ARL8B: variants seen among roughly 807,000 people sequenced by gnomAD.
The protein encoded by ARL8B is ARF like GTPase 8B, also known as ADP-ribosylation factor-like protein 8B.
A neutral mutation model predicts 30.6 loss-of-function variants in ARL8B; 9 were observed. The observed-to-expected ratio is 0.29, with a 90% CI of 0.18 to 0.51. The LOEUF is 0.51. ARL8B is among the 20% of genes least tolerant of loss of function. The pLI is 0.97. For missense variants in ARL8B, 130 were observed against 227.2 expected, an observed-to-expected ratio of 0.57 and a Z score of 2.75; for synonymous variants, 74 against 76.0, an observed-to-expected ratio of 0.97 and a Z score of 0.14.
intron 1 of ARL8B, among the ~76,000 whole-genome samples, chr3:5,144,089 A>G (rs1575563905): frequency 6.6e-6 from 1 of 152,124 alleles, no homozygotes; most frequent in South Asian, 2.1e-4. Flanking sequence ...TAATTTGTAA[A>G]CCTTCCATAA....
intron 6 of ARL8B, among the ~76,000 whole-genome samples, chr3:5,175,354 T>C (rs1018373631): frequency 6.6e-5 from 10 of 152,214 alleles, no homozygotes; most frequent in African/African-American, 2.4e-4. Flanking sequence ...GTCGTGAGGT[T>C]AAGATTATGT....
intron 6 of ARL8B, 113 bp downstream of exon 6, chr3:5,174,527 T>C: frequency 1.4e-6 from 1 of 724,594 alleles, no homozygotes; most frequent in African/African-American, 1.8e-5. Flanking sequence ...TTCAGAATAC[T>C]GTTGCTTTTG....
intron 1 of ARL8B, among the ~76,000 whole-genome samples, chr3:5,164,250 CTAAT>C (rs1216604918): frequency 6.6e-6 from 1 of 152,134 alleles, no homozygotes; most frequent in Non-Finnish European, 1.5e-5. Context: ...TTTTCCTGAA[CTAAT>C]TGTCAGAATT....
At chr3:5,153,390 T>G (rs2054502887) in intron 1 of ARL8B, among the ~76,000 whole-genome samples, 1 of 152,116 alleles carries the variant, frequency 6.6e-6, no homozygotes, top group Admixed American at 6.6e-5. Context: ...CAAGGGAGTT[T>G]CTCTACACAA....
chr3:5,152,339 C>T (rs1031696198), intron 1 of ARL8B, among the ~76,000 whole-genome samples: 6 of 152,052 alleles, frequency 3.9e-5, no homozygotes, highest in African/African-American at 1.4e-4. Flanking sequence ...CCCTCTTTAT[C>T]CTTGGTATAT....
intron 1 of ARL8B, among the ~76,000 whole-genome samples, chr3:5,127,727 G>A (rs2054243029): frequency 6.6e-6 from 1 of 151,970 alleles, no homozygotes; most frequent in Admixed American, 6.6e-5. Flanking sequence ...CAAATAATTA[G>A]CTGGGTGTGG....
chr3:5,174,071 C>G lies in ARL8B; in HGVS notation c.427C>G (p.Leu143Val). 1 of 1,609,726 alleles carries G rather than the reference C, an allele frequency of 6.2e-7. No individual in the cohort carries two copies. Among genetic ancestry groups the G allele is most frequent in the South Asian group, 1.1e-5 (1 of 90,652 alleles). ...TCCTAATGCCTTGGATGAGAAACAG[C>G]TAATTGAAAAAATGTATGTCTTGAA... ...DLPNALDEKQ[L>V]IEKMNLSAIQ... The change falls in exon 5 of 7, where the codon CTA becomes GTA. Residue 143 changes from leucine to valine, a missense_variant. By Grantham distance (32) the Leu-to-Val change is conservative. Coordinates refer to ENST00000256496, the MANE Select transcript of ARL8B (RefSeq NM_018184.3).
In ARL8B at chr3:5,180,110, A is replaced by G. The variant is rs1348687855; in HGVS notation, c.*1397A>G. The stretch of plus-strand genomic sequence containing the variant: ...TTGTTTCTTTTGTTAAGCAGCACTT[A>G]TGTAGACTGCATTTCCAAATGTGTT... On this transcript the variant is annotated 3_prime_UTR_variant, in exon 7 of 7. Coordinates refer to ENST00000256496, the MANE Select transcript of ARL8B (RefSeq NM_018184.3). The G allele has an allele frequency of 6.5e-6, 1 of 152,686 alleles. No homozygotes were observed. The highest frequency in any genetic ancestry group is 1.5e-5 in the Non-Finnish European group (1 of 68,038). The allele number at this position is 152,686 out of a possible 1,614,324, so 9.5% of individuals were successfully genotyped here.
chr3:5,174,509 ACTTC>A, intron 6 of ARL8B, 95 bp downstream of exon 6: 1 of 849,136 alleles, frequency 1.2e-6, no homozygotes, highest in Non-Finnish European at 1.9e-6. Flanking sequence ...TCATTAAGTG[ACTTC>A]CTTTTCAGAA....
At chr3:5,128,104 G>A (rs932063849) in intron 1 of ARL8B, among the ~76,000 whole-genome samples, 1 of 134,278 alleles carries the variant, frequency 7.4e-6, no homozygotes, top group Non-Finnish European at 1.5e-5. Flanking sequence ...CGGAGGTTGC[G>A]TTGAGCCGAA....
chr3:5,161,568 G>T (rs945460609), intron 1 of ARL8B, among the ~76,000 whole-genome samples: 4 of 152,202 alleles, frequency 2.6e-5, no homozygotes, highest in Non-Finnish European at 5.9e-5. Flanking sequence ...AAACACTTGA[G>T]GTTTGAGCTA....
intron 1 of ARL8B, among the ~76,000 whole-genome samples, chr3:5,141,163 T>C (rs1386394448): frequency 6.6e-6 from 1 of 152,232 alleles, no homozygotes; most frequent in Admixed American, 6.5e-5. Flanking sequence ...CTCTACATTC[T>C]GTTCACTTAT....
At chr3:5,141,943 C>T (rs2054377248) in intron 1 of ARL8B, among the ~76,000 whole-genome samples, 1 of 152,152 alleles carries the variant, frequency 6.6e-6, no homozygotes, top group South Asian at 2.1e-4. Flanking sequence ...GACTCAAACC[C>T]AGCAGCTATT....
At chr3:5,143,635 T>G (rs1298020663) in intron 1 of ARL8B, among the ~76,000 whole-genome samples, 1 of 152,238 alleles carries the variant, frequency 6.6e-6, no homozygotes, top group Non-Finnish European at 1.5e-5. Flanking sequence ...ATCTTAGTGG[T>G]CAGGAGCACT....
intron 1 of ARL8B, 91 bp downstream of exon 1, chr3:5,122,679 CGCGATGGGACTGATG>C (rs2054192317): frequency 7.2e-7 from 1 of 1,382,500 alleles, no homozygotes; most frequent in African/African-American, 1.5e-5. Flanking sequence ...CCCCCCTCGG[CGCGATGGGACTGATG>C]GCGGGGGGCG....
chr3:5,165,269 G>A (rs1487580485), intron 1 of ARL8B, among the ~76,000 whole-genome samples: 1 of 151,952 alleles, frequency 6.6e-6, no homozygotes, highest in Non-Finnish European at 1.5e-5. Flanking sequence ...AAAATTGTTT[G>A]TAATTCTTTT....
At chr3:5,165,699 G>A (rs1482761631) in intron 1 of ARL8B, among the ~76,000 whole-genome samples, 1 of 152,026 alleles carries the variant, frequency 6.6e-6, no homozygotes, top group Non-Finnish European at 1.5e-5. Flanking sequence ...GTTAAAGTAG[G>A]TATTTTTCTA....
intron 1 of ARL8B, among the ~76,000 whole-genome samples, chr3:5,162,080 G>A (rs1210438926): frequency 6.6e-6 from 1 of 152,202 alleles, no homozygotes; most frequent in African/African-American, 2.4e-5. Context: ...ATGCTGTCAA[G>A]GCACACAAAA....
At chr3:5,173,933 TTG>T in intron 4 of ARL8B, 82 bp from the exon 5 acceptor site, 1 of 1,012,736 alleles carries the variant, frequency 9.9e-7, no homozygotes, top group Non-Finnish European at 1.6e-6. Flanking sequence ...CATCTTAACT[TTG>T]TGTCTTCACA....
Sources: allele counts gnomAD v4.1 joint callset (sites outside exome capture counted in the v4.1 genomes callset), GRCh38; gene constraint gnomAD v4.1.1; transcripts MANE v1.5; gene names NCBI Gene and HGNC (gene_info 2026-07-23, HGNC 2026-07-21).